Variants in NFASC observed in about 807,000 individuals in gnomAD.
The protein encoded by NFASC is neurofascin, also known as neurofascin homolog.
In NFASC, 43 loss-of-function variants were observed where a neutral mutation model predicts 147.5. The ratio of observed to expected loss-of-function variants is 0.29; its 90% CI spans 0.23 to 0.38. NFASC has a LOEUF of 0.38. Ranked by LOEUF, NFASC falls within the 10% of genes least tolerant of loss-of-function variation. NFASC has a pLI of 1.00. For synonymous variants in NFASC, 622 were observed against 665.5 expected (o/e 0.93, Z 1.01); for missense variants, 1,320 against 1,689.0 (o/e 0.78, Z 3.83).
chr1:204,977,130 A>C, intron 16 of NFASC: 1 of 1,151,196 alleles, frequency 8.7e-7, no homozygotes. Context: ...AATTAAAACA[A>C]TCCATCCTTA....
chr1:204,979,551 G>A lies in NFASC; in HGVS notation c.2168G>A (p.Ser723Asn), dbSNP rs1039481002. ...PSLPSERYRT[S>N]GAPPESNPGD... The stretch of plus-strand genomic sequence containing the variant: ...CTCCCATCCGAGCGCTACCGAACCA[G>A]TGGAGCACGTGAGTACCCGAGGGCT... Residue 723 changes from serine to asparagine, a missense_variant, in exon 19 of 30, where the codon AGT becomes AAT. Physicochemically the swap from Ser to Asn is conservative, Grantham distance 46 (BLOSUM62 1). Transcript: ENST00000339876. This position sits in a 1 kb window ranked among gnomAD's most constrained non-coding sequence, Gnocchi z 6.0. 2 of 1,613,716 alleles carry A rather than the reference G, an allele frequency of 1.2e-6. No individual in the cohort carries two copies. The highest frequency in any genetic ancestry group is 1.7e-6 in the Non-Finnish European group (2 of 1,180,010).
intron 1 of NFASC, among the ~76,000 whole-genome samples, chr1:204,911,974 C>A (rs188632412): frequency 6.6e-6 from 1 of 152,256 alleles, no homozygotes; most frequent in Non-Finnish European, 1.5e-5. Context: ...GCTACAGTGG[C>A]ATCCCTCATT....
At chr1:204,883,664 AG>A (rs1156801448) in intron 1 of NFASC, among the ~76,000 whole-genome samples, 10 of 152,352 alleles carry the variant, frequency 6.6e-5, no homozygotes, top group African/African-American at 2.4e-4. Context: ...GAAGAGGAGC[AG>A]GGTCAGATTC....
At chr1:204,969,337 G>A (rs1282584555) in intron 10 of NFASC, among the ~76,000 whole-genome samples, 1 of 152,150 alleles carries the variant, frequency 6.6e-6, no homozygotes, top group African/African-American at 2.4e-5. Flanking sequence ...ACGTGAGCCC[G>A]TGCTGTCTGT....
At chr1:204,841,033 G>A (rs750087) in intron 1 of NFASC, among the ~76,000 whole-genome samples, 32,866 of 152,162 alleles carry the variant, frequency 0.22, 5,375 homozygotes, top group East Asian at 0.53. Flanking sequence ...AAGTGGCAGG[G>A]CTAAGCTATA....
chr1:204,950,334 C>T (rs571090587), intron 3 of NFASC, among the ~76,000 whole-genome samples: 18 of 152,158 alleles, frequency 1.2e-4, no homozygotes, highest in Admixed American at 8.5e-4. Flanking sequence ...CCAGGGGAGG[C>T]GTCACCTTCT....
chr1:204,978,973 C>A lies in NFASC; in HGVS notation c.1882C>A (p.Pro628Thr). 6.4e-7 allele frequency: 1 copy of A among 1,553,276 alleles called. No homozygotes were observed. The highest frequency in any genetic ancestry group is 8.7e-7 in the Non-Finnish European group (1 of 1,147,842). The change falls in exon 18 of 30, where the codon CCA becomes ACA. Residue 628 changes from proline to threonine, a missense_variant. Around this residue, in one of 3 missense-constraint regions of NFASC, gnomAD observed 981 missense variants for 1,289.5 expected, o/e 0.76. Transcript: ENST00000339876. ...NRLAALPKGR[P>T]DRPRDLELTD... ...GTGGTGTCTTCTGCCACCAGGACGG[C>A]CAGACCGGCCCCGGGACCTGGAGCT...
At chr1:204,909,130 G>A (rs1486071709) in intron 1 of NFASC, among the ~76,000 whole-genome samples, 3 of 152,182 alleles carry the variant, frequency 2.0e-5, no homozygotes, top group Non-Finnish European at 4.4e-5. Flanking sequence ...TCATAAGACA[G>A]TTACATGTTT....
chr1:204,914,918 A>G (rs186866167), intron 1 of NFASC, among the ~76,000 whole-genome samples: 1 of 152,366 alleles, frequency 6.6e-6, no homozygotes, highest in East Asian at 1.9e-4. Context: ...CTAAATGTCT[A>G]TCAGTAGAGG....
intron 1 of NFASC, among the ~76,000 whole-genome samples, chr1:204,911,062 T>C (rs757126905): frequency 2.0e-4 from 30 of 152,222 alleles, no homozygotes; most frequent in Non-Finnish European, 2.4e-4. Context: ...TATAATGTTA[T>C]CTGTCTATTT....
chr1:204,858,396 C>A (rs1384659529), intron 1 of NFASC, among the ~76,000 whole-genome samples: 3 of 152,130 alleles, frequency 2.0e-5, no homozygotes, highest in African/African-American at 4.8e-5. Context: ...GGGGGAAGGG[C>A]ATCTGGGAGA....
In NFASC at chr1:204,986,035, C is replaced by T. The variant is rs1384856152; in HGVS notation, c.2471-1383C>T. 1.2e-6 allele frequency: 2 copies of T among 1,614,122 alleles called. No homozygotes were observed. Among genetic ancestry groups the T allele is most frequent in the South Asian group, 1.1e-5 (1 of 91,078 alleles). On this transcript the variant is annotated intron_variant, in intron 21 of 29. Coordinates refer to ENST00000339876, the MANE Select transcript of NFASC (RefSeq NM_001005388.3). This position sits in a 1 kb window ranked among gnomAD's most constrained non-coding sequence, Gnocchi z 4.2. ...CCCGCCTCTTCCCCTACAGTAACTA[C>T]AAGCTGGAGATGGTTGTGGTCAATG... is the stretch of plus-strand genomic sequence containing the variant.
Position 205,001,329 on chromosome 1 carries a change from G to A in NFASC, c.3136+43G>A, listed in dbSNP as rs747870383. 3.2e-5 allele frequency: 41 copies of A among 1,276,360 alleles called. No homozygotes were observed. In the East Asian group the frequency reaches 4.6e-4, roughly 14 times the overall value. The allele number at this position is 1,276,360 out of a possible 1,614,324, so 79.1% of individuals were successfully genotyped here. A position where few individuals can be genotyped will look rare whatever the true frequency, so the allele number is the denominator to read the frequency against. ...GGGTGGTGGTGGCGGCAGCGGCGTC[G>A]GCAGCAGCGGCGGGTAGTGGTAGAT... On this transcript the variant is annotated intron_variant, in intron 26 of 29. Transcript: ENST00000339876.
chr1:204,856,951 C>T (rs1304669076), intron 1 of NFASC, among the ~76,000 whole-genome samples: 2 of 152,180 alleles, frequency 1.3e-5, no homozygotes, highest in African/African-American at 4.8e-5. Flanking sequence ...CTGTTTCCAC[C>T]TTTCTGCTAT....
intron 1 of NFASC, among the ~76,000 whole-genome samples, chr1:204,893,475 T>G (rs1182374120): frequency 1.3e-5 from 2 of 152,180 alleles, no homozygotes; most frequent in South Asian, 2.1e-4. Flanking sequence ...ATGCCCATGT[T>G]TGAAGTACAG....
At chr1:204,961,574 C>A (rs779318507) in intron 8 of NFASC, among the ~76,000 whole-genome samples, 1 of 152,222 alleles carries the variant, frequency 6.6e-6, no homozygotes, top group Non-Finnish European at 1.5e-5. Context: ...GCCCCTTGGC[C>A]CAACTCTTTT....
At chr1:205,014,726 C>T (rs2096315824) in intron 29 of NFASC, among the ~76,000 whole-genome samples, 1 of 152,196 alleles carries the variant, frequency 6.6e-6, no homozygotes, top group Non-Finnish European at 1.5e-5. Context: ...CTTCCACTGG[C>T]TGGGCTGTTG....
At chr1:204,895,527 CCT>C (rs1473074617) in intron 1 of NFASC, among the ~76,000 whole-genome samples, 2 of 152,312 alleles carry the variant, frequency 1.3e-5, no homozygotes, top group African/African-American at 4.8e-5. Context: ...TCATTCACCC[CCT>C]GATTTTTGCT....
chr1:204,993,621 G>A, intron 24 of NFASC: 1 of 365,680 alleles, frequency 2.7e-6, no homozygotes, highest in South Asian at 1.8e-5. Context: ...TCCAGCCGAA[G>A]CCCACTCAGG....
Sources: allele counts gnomAD v4.1 joint callset (sites outside exome capture counted in the v4.1 genomes callset), GRCh38; gene constraint gnomAD v4.1.1; regional missense constraint gnomAD v4.1.1; non-coding constraint Gnocchi (gnomAD v3.1); transcripts MANE v1.5; gene names NCBI Gene and HGNC (gene_info 2026-07-23, HGNC 2026-07-21).